JAK1: variants seen among roughly 807,000 people sequenced by gnomAD.
The protein encoded by JAK1 is tyrosine-protein kinase JAK1.
JAK1 carries 16 observed loss-of-function variants against 136.6 expected under a neutral mutation model. That is an observed-to-expected ratio of 0.12 (90% confidence interval 0.08 to 0.18). The LOEUF (loss-of-function observed/expected upper bound fraction) is 0.18, where lower values mean the gene tolerates loss of function less well. JAK1 is among the 10% of genes least tolerant of loss of function. The pLI is 1.00. For synonymous variants in JAK1, 492 were observed against 519.5 expected (o/e 0.95, Z 0.72); for missense variants, 859 against 1,450.1 (o/e 0.59, Z 6.62).
intron 2 of JAK1, among the ~76,000 whole-genome samples, chr1:65,010,028 C>T (rs1557756354): frequency 6.6e-6 from 1 of 152,136 alleles, no homozygotes; most frequent in African/African-American, 2.4e-5. Context: ...TGCAAGGAAT[C>T]CCCATTTTGT....
intron 1 of JAK1, among the ~76,000 whole-genome samples, chr1:64,946,122 A>G (rs1320070206): frequency 6.6e-6 from 1 of 152,204 alleles, no homozygotes; most frequent in Non-Finnish European, 1.5e-5. Flanking sequence ...GAAAATGTAA[A>G]GTTTAAAAAT....
chr1:64,865,540 G>A (rs1436798727), intron 7 of JAK1, among the ~76,000 whole-genome samples: 3 of 152,200 alleles, frequency 2.0e-5, no homozygotes, highest in Non-Finnish European at 4.4e-5. Context: ...TCTAGGTTAA[G>A]TTCCTGCCTC....
intron 2 of JAK1, among the ~76,000 whole-genome samples, chr1:64,987,872 CTAGAGTA>C (rs1646614820): frequency 1.3e-5 from 2 of 152,260 alleles, no homozygotes; most frequent in South Asian, 2.1e-4. Context: ...TTCCAAGTAC[CTAGAGTA>C]TAAAGTATTT....
intron 21 of JAK1, 137 bp from the exon 22 acceptor site, chr1:64,838,241 A>G: frequency 1.0e-6 from 1 of 953,606 alleles, no homozygotes; most frequent in Non-Finnish European, 1.5e-6. Context: ...ACTTTTATGC[A>G]AGAATATTAA....
chr1:64,878,552 A>T (rs2101206262), intron 4 of JAK1, among the ~76,000 whole-genome samples: 1 of 137,568 alleles, frequency 7.3e-6, no homozygotes, highest in Non-Finnish European at 1.6e-5. Flanking sequence ...ACCTTTATAT[A>T]TATAGTGTGT....
At chr1:64,969,327 A>G (rs1259526224), upstream of JAK1, among the ~76,000 whole-genome samples, 1 of 151,836 alleles carries the variant, frequency 6.6e-6, no homozygotes, top group African/African-American at 2.4e-5. Context: ...TGTCCTGTGC[A>G]TTGTAGGATG....
intron 1 of JAK1, among the ~76,000 whole-genome samples, chr1:64,931,058 T>C (rs1645682684): frequency 6.6e-6 from 1 of 152,098 alleles, no homozygotes; most frequent in Non-Finnish European, 1.5e-5. Flanking sequence ...GATGACAGGT[T>C]GATGGGTGCA....
chr1:64,921,505 A>ACTC (rs1218039484), intron 1 of JAK1, among the ~76,000 whole-genome samples: 5 of 152,024 alleles, frequency 3.3e-5, no homozygotes, highest in Admixed American at 2.6e-4. Flanking sequence ...ACTAGAGTAT[A>ACTC]TAGTAGGTCA....
At chr1:64,855,036 C>T (rs1022757079) in intron 11 of JAK1, among the ~76,000 whole-genome samples, 2 of 152,196 alleles carry the variant, frequency 1.3e-5, no homozygotes, top group Non-Finnish European at 2.9e-5. Flanking sequence ...AAACACCCAT[C>T]ACAAACTGCA....
At chr1:64,878,989 G>T (rs1445096528) in intron 4 of JAK1, 36 bp downstream of exon 4, 3 of 1,611,388 alleles carry the variant, frequency 1.9e-6, no homozygotes, top group Non-Finnish European at 2.5e-6. Context: ...CAGTGCAGAG[G>T]GAGCCAGGCA....
At chr1:64,969,093 G>A (rs550717633), upstream of JAK1, among the ~76,000 whole-genome samples, 166 of 151,756 alleles carry the variant, frequency 1.1e-3, no homozygotes, top group Non-Finnish European at 1.6e-3. Context: ...CTGGGCAACA[G>A]AGTGAGACCC....
chr1:64,949,417 G>A (rs945260641), intron 1 of JAK1, among the ~76,000 whole-genome samples: 2 of 152,152 alleles, frequency 1.3e-5, no homozygotes, highest in African/African-American at 4.8e-5. Context: ...CATCAGCCTA[G>A]AAGTGACATA....
At chr1:64,942,820 T>C (rs1645914513) in intron 1 of JAK1, among the ~76,000 whole-genome samples, 1 of 152,196 alleles carries the variant, frequency 6.6e-6, no homozygotes, top group South Asian at 2.1e-4. Flanking sequence ...CCTCTCATAT[T>C]ACAGGGCACA....
upstream of JAK1, among the ~76,000 whole-genome samples, chr1:64,971,369 T>A (rs1646450190): frequency 6.6e-6 from 1 of 152,212 alleles, no homozygotes; most frequent in South Asian, 2.1e-4. Flanking sequence ...GCAAATAATT[T>A]TTTTTTGAGT....
intron 1 of JAK1, among the ~76,000 whole-genome samples, chr1:64,895,419 G>T (rs1014516897): frequency 2.6e-5 from 4 of 152,040 alleles, no homozygotes; most frequent in Non-Finnish European, 4.4e-5. Context: ...TGTTTTAAAG[G>T]ACCCAACAAG....
intron 1 of JAK1, among the ~76,000 whole-genome samples, chr1:64,927,691 T>A (rs1645605117): frequency 6.6e-6 from 1 of 152,242 alleles, no homozygotes; most frequent in African/African-American, 2.4e-5. Flanking sequence ...GAAATAAACA[T>A]CCTGCAAAGT....
chr1:64,861,615 T>C (rs950070852), intron 8 of JAK1, among the ~76,000 whole-genome samples: 2 of 152,118 alleles, frequency 1.3e-5, no homozygotes, highest in African/African-American at 2.4e-5. Context: ...GACTCTTTCA[T>C]AGCCCTGTAG....
intron 2 of JAK1, chr1:64,972,179 A>G (rs1208686563): frequency 1.3e-5 from 2 of 152,244 alleles, no homozygotes; most frequent in African/African-American, 4.8e-5. Context: ...TTCCACATGC[A>G]CATTGATATG....
At chr1:64,843,518 A>G (rs1472316745) in intron 17 of JAK1, among the ~76,000 whole-genome samples, 1 of 152,182 alleles carries the variant, frequency 6.6e-6, no homozygotes, top group Non-Finnish European at 1.5e-5. Flanking sequence ...GAGGGTAATG[A>G]CACCATCCTA....
Sources: gnomAD v4.1 joint callset for allele counts (sites outside exome capture counted in the v4.1 genomes callset) on GRCh38, gnomAD v4.1.1 for gene constraint, MANE v1.5 for transcripts, NCBI Gene and HGNC (gene_info 2026-07-23, HGNC 2026-07-21) for gene names.